Variants in TGFBR1 observed in about 807,000 individuals in gnomAD.
TGFBR1 encodes TGF-beta receptor type-1.
A neutral mutation model predicts 55.1 loss-of-function variants in TGFBR1; 20 were observed. That is an observed-to-expected ratio of 0.36 (90% CI 0.26 to 0.53). The LOEUF (loss-of-function observed/expected upper bound fraction) is 0.53, where lower values mean the gene tolerates loss of function less well. Among genes scored for constraint, TGFBR1 ranks in the 20% least tolerant of loss-of-function variants. The probability of loss-of-function intolerance (pLI) is 0.91; values close to 1 mark genes in which losing one functional copy is unlikely to be tolerated. For synonymous variants in TGFBR1, 220 were observed against 214.8 expected (o/e 1.02, Z -0.21); for missense variants, 385 against 617.6 (o/e 0.62, Z 3.99).
At chr9:99,116,410 TGCCCTAA>T (rs1826741236) in intron 1 of TGFBR1, among the ~76,000 whole-genome samples, 1 of 152,198 alleles carries the variant, frequency 6.6e-6, no homozygotes, top group African/African-American at 2.4e-5. Flanking sequence ...ATAGCGTAGT[TGCCCTAA>T]GCAATTGGGT....
intron 1 of TGFBR1, among the ~76,000 whole-genome samples, chr9:99,106,118 GA>G (rs1826407962): frequency 6.6e-6 from 1 of 152,260 alleles, no homozygotes; most frequent in African/African-American, 2.4e-5. Flanking sequence ...GAAATTTTGG[GA>G]ACGACTGTGA....
chr9:99,133,874 T>C (rs898502550), intron 3 of TGFBR1, among the ~76,000 whole-genome samples: 1 of 151,922 alleles, frequency 6.6e-6, no homozygotes, highest in Non-Finnish European at 1.5e-5. Context: ...CGTAGTGGCA[T>C]GCGCCTGTAG....
chr9:99,138,139 AG>A (rs1427968553), intron 4 of TGFBR1, 50 bp downstream of exon 4: 5 of 1,511,646 alleles, frequency 3.3e-6, no homozygotes, highest in Non-Finnish European at 4.6e-6. Context: ...GATCTCTTTA[AG>A]TCTTTACAGA....
chr9:99,152,842 GGAA>G lies in TGFBR1; in HGVS notation c.*3538_*3540del. The G allele has an allele frequency of 4.3e-6, 1 of 231,544 alleles. No homozygotes were observed. Among genetic ancestry groups the G allele is most frequent in the Admixed American group, 5.6e-5 (1 of 17,742 alleles). 14.3% of individuals were successfully genotyped at this position (231,544 alleles called of 1,614,324 possible). On this transcript the variant is annotated 3_prime_UTR_variant, in exon 9 of 9. Coordinates refer to ENST00000374994, the MANE Select transcript of TGFBR1 (RefSeq NM_004612.4). ...CTTCTTGTCTCTGTTTTGGATTACT[GGAA>G]TACCCATGGGCCCTCTCAAGAGTGC...
chr9:99,135,537 A>G (rs777020835), intron 3 of TGFBR1, among the ~76,000 whole-genome samples: 2 of 152,244 alleles, frequency 1.3e-5, no homozygotes, highest in Non-Finnish European at 2.9e-5. Flanking sequence ...TGGGAACTTC[A>G]GGGAATACAA....
intron 1 of TGFBR1, among the ~76,000 whole-genome samples, chr9:99,122,623 C>T (rs1826928776): frequency 6.6e-6 from 1 of 152,126 alleles, no homozygotes; most frequent in African/African-American, 2.4e-5. Flanking sequence ...TTGGTACTAA[C>T]TGTCACCATG....
Position 99,150,611 on chromosome 9 carries a change from T to C in TGFBR1, c.*1306T>C, listed in dbSNP as rs1827956371. 4 of 214,922 alleles carry C rather than the reference T, an allele frequency of 1.9e-5. No homozygotes were observed. Among genetic ancestry groups the C allele is most frequent in the Admixed American group, 1.2e-4 (2 of 17,134 alleles). 13.3% of individuals were successfully genotyped at this position (214,922 alleles called of 1,614,324 possible). On this transcript the variant is annotated 3_prime_UTR_variant, in exon 9 of 9. Transcript: ENST00000374994. Reference sequence around the variant, plus strand: ...ACTGAGGTTAGAGCTAGTGTGGTTTTGAGGTCTCACTACACTTTGAGGAAG... The same window carrying C: ...ACTGAGGTTAGAGCTAGTGTGGTTTCGAGGTCTCACTACACTTTGAGGAAG...
chr9:99,132,105 C>T (rs1167337589), intron 2 of TGFBR1, among the ~76,000 whole-genome samples: 3 of 150,614 alleles, frequency 2.0e-5, no homozygotes, highest in African/African-American at 7.4e-5. Flanking sequence ...TTGCTATGAG[C>T]ATGTACTGGC....
intron 8 of TGFBR1, among the ~76,000 whole-genome samples, chr9:99,148,486 T>G (rs557814849): frequency 1.3e-5 from 2 of 152,288 alleles, no homozygotes; most frequent in East Asian, 1.9e-4. Flanking sequence ...GTTTGAAGAT[T>G]TGTAGCTTAA....
chr9:99,124,214 T>A (rs1000667958), intron 1 of TGFBR1, among the ~76,000 whole-genome samples: 4 of 152,170 alleles, frequency 2.6e-5, no homozygotes, highest in African/African-American at 4.8e-5. Flanking sequence ...AACACTTTGA[T>A]CATTCTTCTC....
At chr9:99,125,876 T>A (rs890715850) in intron 1 of TGFBR1, among the ~76,000 whole-genome samples, 11 of 152,174 alleles carry the variant, frequency 7.2e-5, no homozygotes, top group Non-Finnish European at 1.5e-4. Flanking sequence ...ATTTTTCTGA[T>A]CACTATCTAA....
intron 1 of TGFBR1, among the ~76,000 whole-genome samples, chr9:99,110,819 T>G (rs956670474): frequency 3.9e-5 from 6 of 152,244 alleles, no homozygotes; most frequent in Non-Finnish European, 8.8e-5. Flanking sequence ...ACCAGGAAAC[T>G]GAAGTTATGC....
intron 1 of TGFBR1, among the ~76,000 whole-genome samples, chr9:99,116,877 G>A (rs1220643423): frequency 6.6e-6 from 1 of 152,146 alleles, no homozygotes; most frequent in Non-Finnish European, 1.5e-5. Flanking sequence ...AAGGAGTTCA[G>A]TCAACACTAG....
Position 99,106,994 on chromosome 9 carries a change from C to T in TGFBR1, c.97+1692C>T, listed in dbSNP as rs143723564. Among the ~76,000 whole-genome samples the T allele has an allele frequency of 6.0e-4, 92 of 152,312 alleles. 1 individual carries two copies. The East Asian group carries it at 0.015, about 26-fold the overall frequency. On this transcript the variant is annotated intron_variant, in intron 1 of 8. Coordinates refer to ENST00000374994, the MANE Select transcript of TGFBR1 (RefSeq NM_004612.4). ...ATGAAACACAGGTAACATTTCCACA[C>T]CGCTATTAACTTGAATAACACAGTG...
At chr9:99,118,396 C>A (rs1453727260) in intron 1 of TGFBR1, among the ~76,000 whole-genome samples, 2 of 152,208 alleles carry the variant, frequency 1.3e-5, no homozygotes, top group Admixed American at 1.3e-4. Context: ...TTTGTGATTT[C>A]AAGGGAAAAT....
intron 1 of TGFBR1, among the ~76,000 whole-genome samples, chr9:99,105,752 A>G (rs900905431): frequency 1.3e-4 from 20 of 152,212 alleles, no homozygotes; most frequent in African/African-American, 4.8e-4. Context: ...GGTCCGTGCC[A>G]GAGGCTGCCG....
At chr9:99,137,387 G>C (rs1195019700) in intron 3 of TGFBR1, among the ~76,000 whole-genome samples, 7 of 151,980 alleles carry the variant, frequency 4.6e-5, no homozygotes, top group Non-Finnish European at 8.8e-5. Flanking sequence ...ATCTTTAAAG[G>C]TTCCTCTTTT....
At chr9:99,114,553 A>G (rs971607894) in intron 1 of TGFBR1, among the ~76,000 whole-genome samples, 2 of 152,184 alleles carry the variant, frequency 1.3e-5, no homozygotes, top group East Asian at 1.9e-4. Context: ...TGAGGGTTCA[A>G]TTTAGTGCTG....
At chr9:99,127,677 C>T (rs927893433) in intron 1 of TGFBR1, 1 of 329,836 alleles carries the variant, frequency 3.0e-6, no homozygotes, top group Non-Finnish European at 5.9e-6. Context: ...CCCTGTCTGC[C>T]TAGCCACTCC....
Sources: allele counts gnomAD v4.1 joint callset (sites outside exome capture counted in the v4.1 genomes callset), GRCh38; gene constraint gnomAD v4.1.1; transcripts MANE v1.5; gene names NCBI Gene and HGNC (gene_info 2026-07-23, HGNC 2026-07-21).